The following LPP variants were observed in gnomAD, a reference collection of about 807,000 sequenced individuals.
The protein encoded by LPP is LIM domain containing preferred translocation partner in lipoma, also known as lipoma-preferred partner.
In LPP, 38 loss-of-function variants were observed where a neutral mutation model predicts 60.4. The observed-to-expected ratio is 0.63, with a 90% CI of 0.49 to 0.83. LPP has a LOEUF of 0.83. Ranked by LOEUF, LPP falls within the 40% of genes least tolerant of loss-of-function variation. The pLI is 0.00. For missense variants in LPP, 902 were observed against 783.6 expected, an observed-to-expected ratio of 1.15 and a Z score of -1.80; for synonymous variants, 328 against 290.8, an observed-to-expected ratio of 1.13 and a Z score of -1.30.
chr3:188,760,473 T>C (rs1255619668), intron 9 of LPP, among the ~76,000 whole-genome samples, 191 bp downstream of exon 9: 1 of 150,264 alleles, frequency 6.7e-6, no homozygotes, highest in Non-Finnish European at 1.5e-5. Flanking sequence ...GTAATTTTTT[T>C]CTACACATCC....
At position 188,609,096 on chromosome 3, in the gene LPP, T is replaced by G; in HGVS notation, c.430-65T>G. 2.5e-6 allele frequency: 3 copies of G among 1,176,780 alleles called. No individual in the cohort carries two copies. Among genetic ancestry groups the G allele is most frequent in the Non-Finnish European group, 3.6e-6 (3 of 823,026 alleles). 72.9% of individuals were successfully genotyped at this position (1,176,780 alleles called of 1,614,324 possible). A position where few individuals can be genotyped will look rare whatever the true frequency, so the allele number is the denominator to read the frequency against. Reference sequence around the variant, plus strand: ...TATTAATATTTTTCATTTATTCATTTTTATTGAGTTTCGTTGGCAGTAATT... The same window carrying G: ...TATTAATATTTTTCATTTATTCATTGTTATTGAGTTTCGTTGGCAGTAATT... On this transcript the variant is annotated intron_variant, in intron 6 of 11. Coordinates refer to ENST00000617246, the MANE Select transcript of LPP (RefSeq NM_001375462.1). The surrounding 1 kb of genome is among the most constrained non-coding windows in gnomAD (Gnocchi z 6.9).
chr3:188,295,990 C>T (rs1346654970), intron 2 of LPP, among the ~76,000 whole-genome samples: 1 of 152,180 alleles, frequency 6.6e-6, no homozygotes, highest in Non-Finnish European at 1.5e-5. Context: ...TTAAGTTTCC[C>T]TACACCAGAG....
chr3:188,622,456 C>T (rs746670544), intron 7 of LPP, among the ~76,000 whole-genome samples: 4 of 152,054 alleles, frequency 2.6e-5, no homozygotes, highest in Non-Finnish European at 4.4e-5. Context: ...TTGTTTATGG[C>T]ATTACCACAG....
chr3:188,750,709 T>G (rs1461804954), intron 8 of LPP, among the ~76,000 whole-genome samples: 1 of 152,216 alleles, frequency 6.6e-6, no homozygotes, highest in Non-Finnish European at 1.5e-5. Context: ...TTTCTTCTTT[T>G]GTGAAACAAG....
intron 7 of LPP, among the ~76,000 whole-genome samples, chr3:188,703,997 G>T (rs964633990): frequency 6.6e-6 from 1 of 152,106 alleles, no homozygotes; most frequent in South Asian, 2.1e-4. Context: ...ACTGAAGACA[G>T]GAATTATCAA....
intron 3 of LPP, among the ~76,000 whole-genome samples, chr3:188,363,647 C>T (rs887786111): frequency 6.6e-6 from 1 of 152,188 alleles, no homozygotes; most frequent in African/African-American, 2.4e-5. Context: ...TGGCTCAAGC[C>T]TGTAATCCCA....
At chr3:188,812,253 T>C (rs1751210229) in intron 9 of LPP, among the ~76,000 whole-genome samples, 2 of 152,308 alleles carry the variant, frequency 1.3e-5, no homozygotes, top group South Asian at 4.1e-4. Context: ...GTGTTTCAAC[T>C]ACAAAATTCC....
chr3:188,609,435 T>C lies in LPP; in HGVS notation c.704T>C (p.Met235Thr), dbSNP rs750142338. 6 of 1,614,078 alleles carry C rather than the reference T, an allele frequency of 3.7e-6. No homozygotes were observed. The East Asian group carries it at 8.9e-5, about 24-fold the overall frequency. The change falls in exon 7 of 12, where the codon ATG becomes ACG. Residue 235 changes from methionine (M) to threonine (T), a missense_variant. Met to Thr is a moderately conservative substitution (Grantham distance 81). Coordinates refer to ENST00000617246, the MANE Select transcript of LPP (RefSeq NM_001375462.1). The surrounding 1 kb of genome is among the most constrained non-coding windows in gnomAD (Gnocchi z 6.9). ...VKSAQPSPHY[M>T]AAPSSGQIYG... ...TCAGCCCAGCCCAGCCCTCATTATA[T>C]GGCTGCCCCTTCATCAGGACAAATT...
chr3:188,872,587 G>T, intron 10 of LPP, 56 bp from the exon 11 acceptor site: 1 of 1,608,380 alleles, frequency 6.2e-7, no homozygotes, highest in Non-Finnish European at 8.5e-7. Flanking sequence ...TTACCTCTGC[G>T]TCCCACCTCA....
rs922632383 is a variant in LPP at position 188,402,105 on chromosome 3, A to G, written c.-9-4007A>G. On this transcript the variant is annotated intron_variant, in intron 3 of 11. Coordinates refer to ENST00000617246, the MANE Select transcript of LPP (RefSeq NM_001375462.1). ...TGGCAATATGATTAATGTCTGTTAA[A>G]AGAAGATGTATTTAGATGACTTTAT... 2.6e-5 allele frequency among the ~76,000 whole-genome samples: 4 copies of G among 152,252 alleles called. 1 individual carries two copies. Among genetic ancestry groups the G allele is most frequent in the African/African-American group, 9.6e-5 (4 of 41,564 alleles).
chr3:188,405,175 A>C (rs931492482), intron 3 of LPP, among the ~76,000 whole-genome samples: 5 of 152,144 alleles, frequency 3.3e-5, no homozygotes, highest in African/African-American at 1.2e-4. Flanking sequence ...CCTAAATTCT[A>C]ATAATTGTCC....
intron 7 of LPP, among the ~76,000 whole-genome samples, chr3:188,652,287 G>T (rs1852249799): frequency 6.6e-6 from 1 of 152,100 alleles, no homozygotes; most frequent in Admixed American, 6.5e-5. Context: ...CATGCATATG[G>T]CTCTTCTTAT....
Position 188,609,366 on chromosome 3 carries a change from C to T in LPP, c.635C>T (p.Thr212Met), listed in dbSNP as rs150830431. The T allele has an allele frequency of 3.0e-4, 485 of 1,614,166 alleles. No homozygotes were observed. The highest frequency in any genetic ancestry group is 6.3e-4 in the African/African-American group (47 of 75,048). The change falls in exon 7 of 12, where the codon ACG (threonine) becomes ATG (methionine). Residue 212 changes from threonine to methionine, a missense_variant. Transcript: ENST00000617246. This position sits in a 1 kb window ranked among gnomAD's most constrained non-coding sequence, Gnocchi z 6.9. ...CAGCCAGTCCCAGCCTCCTACACCA[C>T]GGCCTCCACTTCTTCAAGGCCTACC... The part of the protein sequence containing the change: ...QPQPVPASYT[T>M]ASTSSRPTFN...
At chr3:188,206,957 T>C (rs1733396780) in intron 1 of LPP, among the ~76,000 whole-genome samples, 1 of 152,208 alleles carries the variant, frequency 6.6e-6, no homozygotes, top group Non-Finnish European at 1.5e-5. Flanking sequence ...TTCATTGTTA[T>C]CGTTGTTATG....
At chr3:188,763,096 C>T (rs550645211) in intron 9 of LPP, among the ~76,000 whole-genome samples, 5 of 152,248 alleles carry the variant, frequency 3.3e-5, no homozygotes, top group South Asian at 2.1e-4. Context: ...TAGAACTATG[C>T]GTCTCTCTTG....
intron 8 of LPP, among the ~76,000 whole-genome samples, chr3:188,722,319 T>C (rs1248076485): frequency 6.6e-6 from 1 of 152,192 alleles, no homozygotes; most frequent in Non-Finnish European, 1.5e-5. Flanking sequence ...TCAGTAATGG[T>C]GTTTACTAAT....
At chr3:188,424,795 G>T (rs1272587676) in intron 4 of LPP, among the ~76,000 whole-genome samples, 6 of 152,152 alleles carry the variant, frequency 3.9e-5, no homozygotes, top group Admixed American at 2.6e-4. Flanking sequence ...CATTGATTTT[G>T]TATCCTGAGA....
At chr3:188,382,010 A>G (rs549163460) in intron 3 of LPP, among the ~76,000 whole-genome samples, 5 of 151,800 alleles carry the variant, frequency 3.3e-5, no homozygotes, top group East Asian at 1.9e-4. Context: ...CTGGTCTCCA[A>G]TTCCTGAGCT....
At chr3:188,250,284 C>T (rs1360024502) in intron 2 of LPP, among the ~76,000 whole-genome samples, 2 of 152,150 alleles carry the variant, frequency 1.3e-5, no homozygotes, top group African/African-American at 4.8e-5. Flanking sequence ...TAGTATTCCT[C>T]ATTTTGTATT....
Sources: allele counts gnomAD v4.1 joint callset (sites outside exome capture counted in the v4.1 genomes callset), GRCh38; gene constraint gnomAD v4.1.1; non-coding constraint Gnocchi (gnomAD v3.1); transcripts MANE v1.5; gene names NCBI Gene and HGNC (gene_info 2026-07-23, HGNC 2026-07-21).